CDH15: variants seen among roughly 807,000 people sequenced by gnomAD.
The protein encoded by CDH15 is cadherin-15.
A neutral mutation model predicts 69.4 loss-of-function variants in CDH15; 73 were observed. The observed-to-expected ratio is 1.05, with a 90% CI of 0.87 to 1.28. CDH15 has a LOEUF of 1.28. Among genes scored for constraint, CDH15 ranks in the 50% most tolerant of loss-of-function variants. The pLI, the probability that CDH15 is intolerant of heterozygous loss-of-function variation, is 0.00. For synonymous variants in CDH15, 624 were observed against 507.7 expected (o/e 1.23, Z -3.08); for missense variants, 1,343 against 1,133.6 (o/e 1.18, Z -2.65).
chr16:89,194,836 C>T, intron 13 of CDH15, 26 bp from the exon 14 acceptor site: 2 of 1,586,328 alleles, frequency 1.3e-6, no homozygotes, highest in Non-Finnish European at 1.7e-6. Flanking sequence ...CTCCATGTGT[C>T]TTGAGCTCTC....
intron 7 of CDH15, among the ~76,000 whole-genome samples, chr16:89,189,007 CCACACACAGGTGCCCACACACAGATGTT>C (rs1915569864): frequency 7.1e-6 from 1 of 140,236 alleles, no homozygotes; most frequent in African/African-American, 2.7e-5. Flanking sequence ...ACACAGATGC[CCACACACAGGTGCCCACACACAGATGTT>C]GGCACACACA....
Position 89,180,292 on chromosome 16 carries a change from C to A in CDH15, c.294C>A (p.Asp98Glu). 1 of 1,612,040 alleles carries A rather than the reference C, an allele frequency of 6.2e-7. No homozygotes were observed. The highest frequency in any genetic ancestry group is 1.1e-5 in the South Asian group (1 of 90,686). The change falls in exon 3 of 14, where the codon GAC (aspartate) becomes GAA (glutamate). Residue 98 changes from aspartate to glutamate, a missense_variant. By Grantham distance (45) the Asp-to-Glu change is conservative (BLOSUM62 2). Coordinates refer to ENST00000289746, the MANE Select transcript of CDH15 (RefSeq NM_004933.3). The part of the protein sequence containing the change: ...DEEPRGVFSI[D>E]KFTGKVFLNA... ...AGCCCCGGGGCGTCTTCTCTATCGA[C>A]AAGTTCACAGGGAAGGTCTTCCTCA...
At chr16:89,180,143 G>C in intron 2 of CDH15, 57 bp from the exon 3 acceptor site, 1 of 1,589,872 alleles carries the variant, frequency 6.3e-7, no homozygotes, top group Non-Finnish European at 8.6e-7. Context: ...GGGCTGCAGA[G>C]AGGGCAGAGG....
chr16:89,188,575 C>T (rs1915551129), intron 7 of CDH15, among the ~76,000 whole-genome samples: 1 of 143,554 alleles, frequency 7.0e-6, no homozygotes, highest in Admixed American at 6.9e-5. Flanking sequence ...CACACACATG[C>T]CGGCACACAC....
chr16:89,186,358 A>T (rs76616550), intron 5 of CDH15, among the ~76,000 whole-genome samples: 72 of 66,290 alleles, frequency 1.1e-3, no homozygotes, highest in Admixed American at 1.5e-3. Flanking sequence ...CAGCGCACAG[A>T]AGGTGCTCTG....
Position 89,191,635 on chromosome 16 carries a change from C to A in CDH15, c.1376-20C>A. On this transcript the variant is annotated intron_variant, in intron 9 of 13. Coordinates refer to ENST00000289746, the MANE Select transcript of CDH15 (RefSeq NM_004933.3). ...GGCTGGGGTGTTGGGGTCACTAAGC[C>A]GCGGCCTCCTCGCCTGCAGCCTCCC... The A allele has an allele frequency of 6.4e-7, 1 of 1,572,376 alleles. No individual in the cohort carries two copies. Among genetic ancestry groups the A allele is most frequent in the Non-Finnish European group, 8.6e-7 (1 of 1,164,650 alleles).
rs1406544642 is a variant in CDH15, at chr16:89,192,213, G to C, written c.1624G>C (p.Ala542Pro). The change falls in exon 11 of 14, where the codon GCG becomes CCG. Residue 542 changes from alanine (A) to proline (P), a missense_variant. Transcript: ENST00000289746. ...WSLSQVNVSHARLRPRHQVPE... is the reference protein window; with the variant it reads ...WSLSQVNVSHPRLRPRHQVPE... Reference sequence around the variant, plus strand: ...ACAGGCGCCCTCCGCAGTGAGCCACGCGCGCCTGCGGCCGCGACACCAGGT... The same window carrying C: ...ACAGGCGCCCTCCGCAGTGAGCCACCCGCGCCTGCGGCCGCGACACCAGGT... The C allele has an allele frequency of 7.2e-6, 11 of 1,528,952 alleles. No individual in the cohort carries two copies. The highest frequency in any genetic ancestry group is 9.6e-6 in the Non-Finnish European group (11 of 1,144,426). The allele number at this position is 1,528,952 out of a possible 1,614,324, so 94.7% of individuals were successfully genotyped here.
At chr16:89,188,323 C>G (rs376698521) in intron 7 of CDH15, 38 bp downstream of exon 7, 2 of 1,567,504 alleles carry the variant, frequency 1.3e-6, no homozygotes, top group East Asian at 2.3e-5. Context: ...TGCCGGCAGA[C>G]GCAGATGCCG....
rs371507419 is a variant in CDH15, at chr16:89,183,658, G to A, written c.468G>A (p.Ala156=). 50 of 1,611,880 alleles carry A rather than the reference G, an allele frequency of 3.1e-5. No homozygotes were observed. Among genetic ancestry groups the A allele is most frequent in the African/African-American group, 2.4e-4 (18 of 74,876 alleles). ...ACCGGCCAGCCTTCCTGCAGGAGGC[G>A]TTCACTGGCCGCGTGCTGGAGGGTG... The part of the protein sequence containing the change: ...NDNRPAFLQE[A]FTGRVLEGAV... Residue 156 remains alanine (A), a synonymous_variant, in exon 4 of 14, where the codon GCG becomes GCA. Coordinates refer to ENST00000289746, the MANE Select transcript of CDH15 (RefSeq NM_004933.3).
intron 3 of CDH15, among the ~76,000 whole-genome samples, chr16:89,180,880 T>C (rs995825968): frequency 2.6e-5 from 4 of 151,576 alleles, no homozygotes; most frequent in Non-Finnish European, 2.9e-5. Context: ...CCTGCCACCA[T>C]GCCCGGCTAA....
chr16:89,180,974 C>CTTTTTTTTTTTTTTTTTTTTTTTTTT lies in CDH15; in HGVS notation c.357+632_357+633insTTTTTTTTTTTTTTTTTTTTTTTTTT, dbSNP rs770080908. 4.1e-4 allele frequency among the ~76,000 whole-genome samples: 40 copies of CTTTTTTTTTTTTTTTTTTTTTTTTTT among 96,984 alleles called. 3 individuals are homozygous for CTTTTTTTTTTTTTTTTTTTTTTTTTT. The highest frequency in any genetic ancestry group is 1.5e-3 in the African/African-American group (35 of 23,442). The allele number at this position is 96,984 out of a possible 152,430, so 63.6% of individuals were successfully genotyped here. On this transcript the variant is annotated intron_variant, in intron 3 of 13. Coordinates refer to ENST00000289746, the MANE Select transcript of CDH15 (RefSeq NM_004933.3). The stretch of plus-strand genomic sequence containing the variant: ...TCCTGAGTGAGCCACCGCGCCCGAC[C>CTTTTTTTTTTTTTTTTTTTTTTTTTT]TTTTTTTTTTTTTGAGATGGAGCTT...
chr16:89,181,978 AGAG>A (rs1387521290), intron 3 of CDH15, among the ~76,000 whole-genome samples: 2 of 151,258 alleles, frequency 1.3e-5, no homozygotes, highest in Admixed American at 6.6e-5. Context: ...AGGAGGAGGA[AGAG>A]GAGGAGAAGA....
At chr16:89,186,918 T>C (rs1298718754) in intron 5 of CDH15, among the ~76,000 whole-genome samples, 3 of 148,732 alleles carry the variant, frequency 2.0e-5, no homozygotes, top group African/African-American at 7.5e-5. Flanking sequence ...AGGTGCTCTG[T>C]AAACGCTTAC....
chr16:89,185,473 G>A (rs1385489858), intron 5 of CDH15, 140 bp downstream of exon 5: 7 of 996,134 alleles, frequency 7.0e-6, no homozygotes, highest in Non-Finnish European at 1.1e-5. Flanking sequence ...CCTGGCTCCT[G>A]AGGAGATGGC....
At chr16:89,188,605 C>A (rs575150709) in intron 7 of CDH15, among the ~76,000 whole-genome samples, 9 of 143,562 alleles carry the variant, frequency 6.3e-5, no homozygotes, top group Admixed American at 3.5e-4. Context: ...CACACAGATG[C>A]CCACGCACAG....
intron 4 of CDH15, among the ~76,000 whole-genome samples, chr16:89,184,181 G>A (rs1029961907): frequency 2.0e-5 from 3 of 152,222 alleles, no homozygotes; most frequent in African/African-American, 7.2e-5. Flanking sequence ...ACTGTGGCCA[G>A]GCCTGGCCCA....
intron 1 of CDH15, among the ~76,000 whole-genome samples, chr16:89,176,005 G>A (rs960227562): frequency 2.0e-5 from 3 of 152,256 alleles, no homozygotes; most frequent in Non-Finnish European, 4.4e-5. Context: ...CAGTCAGAGC[G>A]AGAGGCCCCA....
chr16:89,185,183 G>T lies in CDH15; in HGVS notation c.513G>T (p.Val171=). The T allele has an allele frequency of 3.1e-6, 5 of 1,600,130 alleles. No homozygotes were observed. In the South Asian group the frequency reaches 5.6e-5, roughly 18 times the overall value. Residue 171 remains valine, a synonymous_variant, in exon 5 of 14, where the codon GTG becomes GTT. Coordinates refer to ENST00000289746, the MANE Select transcript of CDH15 (RefSeq NM_004933.3). ...CCCTGTGCTTCCCAGGCACCTATGT[G>T]ACCAGGGCAGAGGCCACAGATGCCG... ...VLEGAVPGTY[V]TRAEATDADD...
At position 89,193,447 on chromosome 16, in the gene CDH15, G is replaced by T. The variant is rs530951284; in HGVS notation, c.1856-23G>T. On this transcript the variant is annotated intron_variant, in intron 11 of 13. Transcript: ENST00000289746. ...AAGTCGCGCCCTGTGCCTGGCCCCA[G>T]CCTGCGTCCCCTCATTCCCCAGTGC... 5.2e-6 allele frequency: 8 copies of T among 1,537,468 alleles called. No individual in the cohort carries two copies. In the East Asian group the frequency reaches 1.5e-4, roughly 29 times the overall value.
Sources: allele counts gnomAD v4.1 joint callset (sites outside exome capture counted in the v4.1 genomes callset), GRCh38; gene constraint gnomAD v4.1.1; transcripts MANE v1.5; gene names NCBI Gene and HGNC (gene_info 2026-07-23, HGNC 2026-07-21).